The following METTL1 variants were observed in gnomAD, a reference collection of about 807,000 sequenced individuals.
METTL1 encodes tRNA (guanine-N(7)-)-methyltransferase.
Under a neutral mutation model 27.7 loss-of-function variants are expected in METTL1, and 14 were observed. That is an observed-to-expected ratio of 0.51 (90% CI 0.33 to 0.79). The LOEUF is 0.79. Ranked by LOEUF, METTL1 falls within the 30% of genes least tolerant of loss-of-function variation. The pLI is 0.02. For synonymous variants in METTL1, 138 were observed against 137.0 expected (o/e 1.01, Z -0.05); for missense variants, 333 against 359.6 (o/e 0.93, Z 0.60).
At chr12:57,770,196 CCA>C (rs1955413216) in intron 2 of METTL1, among the ~76,000 whole-genome samples, 1 of 152,214 alleles carries the variant, frequency 6.6e-6, no homozygotes, top group African/African-American at 2.4e-5. Context: ...TTAGAGTTTT[CCA>C]CAGTGTTTTC....
rs372333605 is a variant in METTL1, at chr12:57,769,326, C to G, written c.652G>C (p.Glu218Gln). ...CTHFEEHPLF[E>Q]RVPLEDLSED... ...ACCAGGTCCTCCAGAGGCACACGCTCAAACAGTGGGTGCTCTTCGAAATGA... is the reference window on the plus strand; with the variant it reads ...ACCAGGTCCTCCAGAGGCACACGCTGAAACAGTGGGTGCTCTTCGAAATGA... Residue 218 changes from glutamate (E) to glutamine (Q), a missense_variant, in exon 5 of 6, where the codon GAG becomes CAG. Transcript: ENST00000324871. 15 of 1,614,022 alleles carry G rather than the reference C, an allele frequency of 9.3e-6. No individual in the cohort carries two copies. Among genetic ancestry groups the G allele is most frequent in the African/African-American group, 8.0e-5 (6 of 74,914 alleles).
At chr12:57,771,634 C>A (rs763080382) in intron 1 of METTL1, 4 of 1,534,758 alleles carry the variant, frequency 2.6e-6, no homozygotes, top group Non-Finnish European at 2.6e-6. Flanking sequence ...AGGTAAGGTG[C>A]GGGCAGGATT....
At chr12:57,769,226 C>G in intron 5 of METTL1, 75 bp from the exon 6 acceptor site, 1 of 1,609,374 alleles carries the variant, frequency 6.2e-7, no homozygotes, top group South Asian at 1.1e-5. Context: ...CCTATCCCAT[C>G]CTCCTGGCAC....
Position 57,769,517 on chromosome 12 carries a change from GC to G in METTL1, c.573+47del, listed in dbSNP as rs763880181. The G allele has an allele frequency of 3.8e-6, 6 of 1,560,278 alleles. No individual in the cohort carries two copies. The African/African-American group carries it at 4.1e-5, about 11-fold the overall frequency. ...ACCCCCACTGAATTCTTAGTGAAGG[GC>G]CCCTGAGTAGGCCACTCACCCCATC... On this transcript the variant is annotated intron_variant, in intron 4 of 5. Transcript: ENST00000324871.
intron 2 of METTL1, chr12:57,770,843 G>A: frequency 2.5e-6 from 1 of 395,384 alleles, no homozygotes; most frequent in Non-Finnish European, 4.7e-6. Context: ...CCTGGCAGAT[G>A]AAATGGCTCA....
chr12:57,769,816 T>C lies in METTL1; in HGVS notation c.415A>G (p.Ser139Gly). 1.2e-6 allele frequency: 2 copies of C among 1,614,214 alleles called. No homozygotes were observed. The highest frequency in any genetic ancestry group is 2.2e-5 in the East Asian group (1 of 44,884). Residue 139 changes from serine (S) to glycine (G), a missense_variant, in exon 3 of 6, where the codon AGC becomes GGC. Physicochemically the swap from Ser to Gly is moderately conservative, Grantham distance 56. Transcript: ENST00000324871. The stretch of plus-strand genomic sequence containing the variant: ...TTAGGAAGGTGCTTCATGGCATTGC[T>C]ACGGAGACAGGCGATGTTCTGGAAG... ...GGFQNIACLR[S>G]NAMKHLPNFF... is the part of the protein sequence containing the mutation.
rs767201145 is a variant in METTL1 at position 57,769,159 on chromosome 12, A to C, written c.676-8T>G. The C allele has an allele frequency of 5.0e-6, 8 of 1,599,628 alleles. No individual in the cohort carries two copies. The South Asian group carries it at 8.8e-5, about 18-fold the overall frequency. ...CACAACGGGGTCTTCACTCTGGGAG[A>C]AGGAAGGGTCCAATAAGTCCTTGCC... On this transcript the variant is annotated splice_polypyrimidine_tract_variant and splice_region_variant and intron_variant, in intron 5 of 5. Coordinates refer to ENST00000324871, the MANE Select transcript of METTL1 (RefSeq NM_005371.6).
At position 57,769,306 on chromosome 12, in the gene METTL1, G is replaced by C; in HGVS notation, c.672C>G (p.Asp224Glu). ...HPLFERVPLE[D>E]LSEDPVVGHL... ...CTCCTCTAGGTCCCCTACTCACCAG[G>C]TCCTCCAGAGGCACACGCTCAAACA... The change falls in exon 5 of 6, where the codon GAC becomes GAG. Residue 224 changes from aspartate to glutamate, a missense_variant. Transcript: ENST00000324871. 1 of 1,613,990 alleles carries C rather than the reference G, an allele frequency of 6.2e-7. No homozygotes were observed. The highest frequency in any genetic ancestry group is 1.1e-5 in the South Asian group (1 of 91,064).
In METTL1 at chr12:57,771,370, C is replaced by T; in HGVS notation, c.111-113G>A. The T allele has an allele frequency of 8.1e-6, 12 of 1,479,252 alleles. No individual in the cohort carries two copies. In the South Asian group the frequency reaches 1.7e-4, roughly 21 times the overall value. 91.6% of individuals were successfully genotyped at this position (1,479,252 alleles called of 1,614,324 possible). A position where few individuals can be genotyped will look rare whatever the true frequency, so the allele number is the denominator to read the frequency against. Reference sequence around the variant, plus strand: ...TGGGAGGTAAAAGGGAGGAGGGTTTCTCAAAAATTCTGTAACACTGGGCCC... The same window carrying T: ...TGGGAGGTAAAAGGGAGGAGGGTTTTTCAAAAATTCTGTAACACTGGGCCC... On this transcript the variant is annotated intron_variant, in intron 1 of 5. Coordinates refer to ENST00000324871, the MANE Select transcript of METTL1 (RefSeq NM_005371.6).
chr12:57,769,579 C>T lies in METTL1; in HGVS notation c.559G>A (p.Val187Met), dbSNP rs772870973. 9.7e-6 allele frequency: 15 copies of T among 1,551,598 alleles called. No homozygotes were observed. The East Asian group carries it at 1.4e-4, about 14-fold the overall frequency. Residue 187 changes from valine to methionine, a missense_variant, in exon 4 of 6, where the codon GTG becomes ATG. Coordinates refer to ENST00000324871, the MANE Select transcript of METTL1 (RefSeq NM_005371.6). ...SPTLLAEYAY[V>M]LRVGGLVYTI... Reference sequence around the variant, plus strand: ...TCCCAACTCACCCCAACTCTTAGCACGTAGGCATATTCTGCTAGCAGGGTG... The same window carrying T: ...TCCCAACTCACCCCAACTCTTAGCATGTAGGCATATTCTGCTAGCAGGGTG...
chr12:57,769,112 C>T lies in METTL1; in HGVS notation c.715G>A (p.Glu239Lys). 4.3e-6 allele frequency: 7 copies of T among 1,610,050 alleles called. No homozygotes were observed. Among genetic ancestry groups the T allele is most frequent in the South Asian group, 1.1e-5 (1 of 91,030 alleles). The stretch of plus-strand genomic sequence containing the variant: ...TTACGTAGAACTTTCTTCCCCTCCT[C>T]AGTTGAGGTGCCTAGATGTCCCACA... ...PVVGHLGTST[E>K]EGKKVLRNGG... Residue 239 changes from glutamate to lysine, a missense_variant, in exon 6 of 6, where the codon GAG becomes AAG. Transcript: ENST00000324871.
In METTL1 at chr12:57,769,314, G is replaced by A; in HGVS notation, c.664C>T (p.Leu222=). ...EEHPLFERVP[L]EDLSEDPVVG... The stretch of plus-strand genomic sequence containing the variant: ...GGTCCCCTACTCACCAGGTCCTCCA[G>A]AGGCACACGCTCAAACAGTGGGTGC... Residue 222 remains leucine (L), a synonymous_variant, in exon 5 of 6, where the codon CTG becomes TTG. Transcript: ENST00000324871. 6.2e-7 allele frequency: 1 copy of A among 1,614,092 alleles called. No individual in the cohort carries two copies. The highest frequency in any genetic ancestry group is 8.5e-7 in the Non-Finnish European group (1 of 1,179,992).
intron 1 of METTL1, chr12:57,771,557 C>T (rs891157985): frequency 6.5e-7 from 1 of 1,534,892 alleles, no homozygotes; most frequent in African/African-American, 1.4e-5. Flanking sequence ...TTCCCCTTCT[C>T]CCGAGACTGG....
rs1383183503 is a variant in METTL1 at position 57,769,290 on chromosome 12, G to T, written c.675+13C>A. 6.2e-7 allele frequency: 1 copy of T among 1,613,432 alleles called. No homozygotes were observed. ...TGGAAAGGGCCTCCACCTCCTCTAG[G>T]TCCCCTACTCACCAGGTCCTCCAGA... On this transcript the variant is annotated intron_variant, in intron 5 of 5. Coordinates refer to ENST00000324871, the MANE Select transcript of METTL1 (RefSeq NM_005371.6).
intron 2 of METTL1, 144 bp downstream of exon 2, chr12:57,770,950 G>A: frequency 1.2e-6 from 1 of 835,568 alleles, no homozygotes; most frequent in African/African-American, 1.7e-5. Context: ...ACCCAGAGTA[G>A]AGGGTAGGTG....
intron 5 of METTL1, 26 bp from the exon 6 acceptor site, chr12:57,769,177 T>G (rs763769990): frequency 6.2e-7 from 1 of 1,602,480 alleles, no homozygotes; most frequent in Non-Finnish European, 8.5e-7. Context: ...GTCCAATAAG[T>G]CCTTGCCCAC....
chr12:57,771,065 T>C, intron 2 of METTL1, 29 bp downstream of exon 2: 2 of 1,606,290 alleles, frequency 1.2e-6, no homozygotes, highest in South Asian at 2.2e-5. Flanking sequence ...AGGCCTCTTC[T>C]CACCCCAAAA....
At chr12:57,770,293 T>C (rs188787289) in intron 2 of METTL1, among the ~76,000 whole-genome samples, 1 of 152,368 alleles carries the variant, frequency 6.6e-6, no homozygotes, top group South Asian at 2.1e-4. Context: ...CCGAAGATCA[T>C]AGAGTTAAGA....
At chr12:57,771,434 T>C (rs1955429847) in intron 1 of METTL1, 177 bp from the exon 2 acceptor site, 6 of 1,463,460 alleles carry the variant, frequency 4.1e-6, no homozygotes, top group Non-Finnish European at 5.4e-6. Context: ...CACCCTTAAC[T>C]CCCAGTGTGA....
Sources: gnomAD v4.1 joint callset for allele counts (sites outside exome capture counted in the v4.1 genomes callset) on GRCh38, gnomAD v4.1.1 for gene constraint, MANE v1.5 for transcripts, NCBI Gene and HGNC (gene_info 2026-07-23, HGNC 2026-07-21) for gene names.